Variants in PTPRQ observed in about 807,000 individuals in gnomAD.
PTPRQ encodes protein tyrosine phosphatase receptor type Q.
Under a neutral mutation model 246.0 loss-of-function variants are expected in PTPRQ, and 199 were observed. The observed-to-expected ratio is 0.81, with a 90% confidence interval of 0.72 to 0.91. PTPRQ has a LOEUF of 0.91. Among genes scored for constraint, PTPRQ ranks in the 40% least tolerant of loss-of-function variants. The pLI is 0.00. For synonymous variants in PTPRQ, 869 were observed against 853.2 expected (o/e 1.02, Z -0.32); for missense variants, 2,624 against 2,528.4 (o/e 1.04, Z -0.81).
chr12:80,606,051 G>A (rs546122765), intron 27 of PTPRQ, among the ~76,000 whole-genome samples: 1 of 151,238 alleles, frequency 6.6e-6, no homozygotes, highest in Admixed American at 6.6e-5. Flanking sequence ...ACTAACTCAT[G>A]ATGGTGAGTG....
intron 29 of PTPRQ, among the ~76,000 whole-genome samples, chr12:80,614,195 T>C (rs1014835458): frequency 3.3e-5 from 5 of 150,810 alleles, no homozygotes; most frequent in Non-Finnish European, 7.4e-5. Context: ...AAGCAAATTT[T>C]AAGGACAAAA....
chr12:80,480,097 T>C (rs546063943), intron 8 of PTPRQ, among the ~76,000 whole-genome samples: 140 of 152,184 alleles, frequency 9.2e-4, no homozygotes, highest in Non-Finnish European at 1.4e-3. Context: ...ACCACACCTA[T>C]TCCAAAATTG....
chr12:80,648,955 T>G (rs1419062163), intron 36 of PTPRQ, 32 bp downstream of exon 36: 11 of 1,492,186 alleles, frequency 7.4e-6, no homozygotes, highest in Admixed American at 2.4e-5. Context: ...TTTCTTCTTT[T>G]TGAATATCAA....
intron 25 of PTPRQ, among the ~76,000 whole-genome samples, chr12:80,558,007 GT>G (rs1298443964): frequency 6.6e-6 from 1 of 151,568 alleles, no homozygotes; most frequent in Admixed American, 6.6e-5. Flanking sequence ...ATTCAACCAA[GT>G]TTTTTTGTGT....
At chr12:80,570,716 AG>A (rs1247879685) in intron 25 of PTPRQ, among the ~76,000 whole-genome samples, 1 of 152,086 alleles carries the variant, frequency 6.6e-6, no homozygotes, top group Non-Finnish European at 1.5e-5. Flanking sequence ...TTAGGGTTTT[AG>A]GTTTTACATT....
intron 7 of PTPRQ, among the ~76,000 whole-genome samples, chr12:80,469,420 T>A (rs982423534): frequency 7.9e-5 from 12 of 152,174 alleles, no homozygotes; most frequent in African/African-American, 2.9e-4. Context: ...TTTGAGAGGA[T>A]CAAGTATTAT....
intron 25 of PTPRQ, among the ~76,000 whole-genome samples, chr12:80,559,492 TCTC>T (rs1565786421): frequency 1.3e-5 from 2 of 152,344 alleles, no homozygotes; most frequent in Admixed American, 1.3e-4. Flanking sequence ...AAGAGCTGTC[TCTC>T]CTCCATTGAA....
chr12:80,453,461 GT>G lies in PTPRQ; in HGVS notation c.391-4109del, dbSNP rs1214721087. Among the ~76,000 whole-genome samples, 8 of 150,764 alleles carry G rather than the reference GT, an allele frequency of 5.3e-5. No individual in the cohort carries two copies. In the East Asian group the frequency reaches 5.9e-4, roughly 11 times the overall value. On this transcript the variant is annotated intron_variant, in intron 3 of 44. Transcript: ENST00000644991. ...GCTGCTCTGCTTTTTAGAGTTTCCA[GT>G]TTTTCTGCTCTGTTTTTTCCCCATC...
In PTPRQ at chr12:80,658,062, G is replaced by C; in HGVS notation, c.6192+1G>C. 1 of 1,359,068 alleles carries C rather than the reference G, an allele frequency of 7.4e-7. No individual in the cohort carries two copies. The highest frequency in any genetic ancestry group is 9.7e-7 in the Non-Finnish European group (1 of 1,035,212). 84.2% of individuals were successfully genotyped at this position (1,359,068 alleles called of 1,614,324 possible). A position where few individuals can be genotyped will look rare whatever the true frequency, so the allele number is the denominator to read the frequency against. On this transcript the variant is annotated splice_donor_variant, in intron 39 of 44. Coordinates refer to ENST00000644991, the MANE Select transcript of PTPRQ (RefSeq NM_001145026.2). LOFTEE classifies it high-confidence loss of function. ...TTATATTAATGCCAGCTATATTTCT[G>C]TAAGTTACTATTTTATATATTTTAT...
intron 23 of PTPRQ, among the ~76,000 whole-genome samples, chr12:80,546,254 C>A (rs1193290379): frequency 6.6e-6 from 1 of 151,670 alleles, no homozygotes; most frequent in Non-Finnish European, 1.5e-5. Flanking sequence ...TGGGAGTCCA[C>A]CTCCCACTGC....
intron 26 of PTPRQ, chr12:80,593,534 C>G (rs1385874513): frequency 6.6e-6 from 1 of 152,142 alleles, no homozygotes; most frequent in East Asian, 1.9e-4. Context: ...CTCACATGCT[C>G]TCACCTAGAT....
intron 39 of PTPRQ, among the ~76,000 whole-genome samples, chr12:80,661,751 C>T (rs1639274055): frequency 6.6e-6 from 1 of 151,550 alleles, no homozygotes; most frequent in African/African-American, 2.4e-5. Context: ...GTCATTATTT[C>T]CTGTATAATA....
At chr12:80,506,718 A>C in intron 16 of PTPRQ, 48 bp downstream of exon 16, 2 of 1,478,564 alleles carry the variant, frequency 1.4e-6, no homozygotes, top group South Asian at 1.3e-5. Context: ...ATAACATTCC[A>C]AGAAACACAC....
intron 33 of PTPRQ, among the ~76,000 whole-genome samples, chr12:80,625,014 C>T (rs1899144824): frequency 6.6e-6 from 1 of 152,078 alleles, no homozygotes; most frequent in African/African-American, 2.4e-5. Context: ...TGGACAAGCT[C>T]GCCACAGATT....
intron 9 of PTPRQ, among the ~76,000 whole-genome samples, chr12:80,485,598 T>C (rs940309248): frequency 2.0e-5 from 3 of 152,200 alleles, no homozygotes; most frequent in Admixed American, 6.6e-5. Context: ...CCAGGACTTA[T>C]CACTCCAAGT....
In PTPRQ at chr12:80,511,345, G is replaced by T. The variant is rs946070029; in HGVS notation, c.2678+902G>T. 4.6e-5 allele frequency among the ~76,000 whole-genome samples: 7 copies of T among 152,068 alleles called. No homozygotes were observed. The South Asian group carries it at 1.5e-3, about 32-fold the overall frequency. Reference sequence around the variant, plus strand: ...ATTCCTAGTGACTTTGCCTAGTCGTGACGAAAGTGGGAGTGTCTTGACTCC... The same window carrying T: ...ATTCCTAGTGACTTTGCCTAGTCGTTACGAAAGTGGGAGTGTCTTGACTCC... On this transcript the variant is annotated intron_variant, in intron 17 of 44. Coordinates refer to ENST00000644991, the MANE Select transcript of PTPRQ (RefSeq NM_001145026.2).
intron 37 of PTPRQ, among the ~76,000 whole-genome samples, chr12:80,650,053 T>G (rs1773233617): frequency 6.6e-6 from 1 of 152,144 alleles, no homozygotes; most frequent in South Asian, 2.1e-4. Flanking sequence ...ATTTTACATT[T>G]GGACACTAAA....
In PTPRQ at chr12:80,444,433, A is replaced by G. The variant is rs554531597; in HGVS notation, c.54+34A>G. 3.0e-5 allele frequency: 36 copies of G among 1,214,434 alleles called. No individual in the cohort carries two copies. The African/African-American group carries it at 4.5e-4, about 15-fold the overall frequency. 75.2% of individuals were successfully genotyped at this position (1,214,434 alleles called of 1,614,324 possible). On this transcript the variant is annotated intron_variant, in intron 1 of 44. Transcript: ENST00000644991. ...TATACACTCTTTAAAAACAAGGGCT[A>G]AGTCATGGGCTGTAGATTTCTCAAG...
chr12:80,503,298 A>G (rs1240405434), intron 14 of PTPRQ, among the ~76,000 whole-genome samples: 1 of 151,898 alleles, frequency 6.6e-6, no homozygotes, highest in Non-Finnish European at 1.5e-5. Flanking sequence ...GGGAAACACT[A>G]GAGAAGATTT....
Sources: allele counts gnomAD v4.1 joint callset (sites outside exome capture counted in the v4.1 genomes callset), GRCh38; gene constraint gnomAD v4.1.1; transcripts MANE v1.5; gene names NCBI Gene and HGNC (gene_info 2026-07-23, HGNC 2026-07-21).